HTR1E: variants seen among roughly 807,000 people sequenced by gnomAD.
HTR1E encodes the protein 5-HT-1E.
A neutral mutation model predicts 3.4 loss-of-function variants in HTR1E; 3 were observed. The ratio of observed to expected loss-of-function variants is 0.89; its 90% CI spans 0.41 to 2.31. The LOEUF (loss-of-function observed/expected upper bound fraction) is 2.31, where lower values mean the gene tolerates loss of function less well. Among genes scored for constraint, HTR1E ranks in the 30% most tolerant of loss-of-function variants. The pLI is 0.05. For missense variants in HTR1E, 392 were observed against 467.0 expected, an observed-to-expected ratio of 0.84 and a Z score of 1.48; for synonymous variants, 170 against 182.8, an observed-to-expected ratio of 0.93 and a Z score of 0.56.
chr6:86,984,377 C>T (rs1487355495), intron 1 of HTR1E, among the ~76,000 whole-genome samples: 12 of 152,070 alleles, frequency 7.9e-5, no homozygotes, highest in Admixed American at 7.9e-4. Flanking sequence ...TTCAATTGAC[C>T]TCTCTTAAAA....
At chr6:87,002,133 G>GTTC (rs1325384487) in intron 1 of HTR1E, among the ~76,000 whole-genome samples, 2 of 152,212 alleles carry the variant, frequency 1.3e-5, no homozygotes, top group African/African-American at 4.8e-5. Context: ...CTTCCGGTAG[G>GTTC]TTCTTGGTCT....
At chr6:86,943,491 A>G (rs1022618869) in intron 1 of HTR1E, among the ~76,000 whole-genome samples, 1 of 152,170 alleles carries the variant, frequency 6.6e-6, no homozygotes, top group Non-Finnish European at 1.5e-5. Flanking sequence ...TCATCGTTAC[A>G]ATGGGGACAA....
chr6:86,974,994 A>G (rs1339306332), intron 1 of HTR1E, among the ~76,000 whole-genome samples: 1 of 152,166 alleles, frequency 6.6e-6, no homozygotes, highest in African/African-American at 2.4e-5. Context: ...ATAGTTCTAC[A>G]AGGACTCCTG....
intron 1 of HTR1E, among the ~76,000 whole-genome samples, chr6:86,993,816 GAAA>G (rs1027967994): frequency 6.8e-6 from 1 of 147,118 alleles, no homozygotes; most frequent in Non-Finnish European, 1.5e-5. Context: ...ACTTAAATGA[GAAA>G]AAAAAAATCT....
chr6:86,991,467 A>G (rs1472295006), intron 1 of HTR1E, among the ~76,000 whole-genome samples: 1 of 152,202 alleles, frequency 6.6e-6, no homozygotes, highest in East Asian at 1.9e-4. Context: ...CTACCAAAAT[A>G]AAAAGTTTAT....
intron 1 of HTR1E, among the ~76,000 whole-genome samples, chr6:87,006,437 G>A (rs1026855702): frequency 9.2e-5 from 14 of 152,278 alleles, no homozygotes; most frequent in Middle Eastern, 3.4e-3. Flanking sequence ...AGATGCTGGC[G>A]AGGATGTGGA....
intron 1 of HTR1E, among the ~76,000 whole-genome samples, chr6:86,962,608 T>A (rs967493622): frequency 6.6e-6 from 1 of 152,128 alleles, no homozygotes; most frequent in African/African-American, 2.4e-5. Context: ...GAGGCTGAGG[T>A]GGGCAGATCA....
intron 1 of HTR1E, among the ~76,000 whole-genome samples, chr6:86,950,059 C>T (rs1299375308): frequency 2.0e-5 from 3 of 152,170 alleles, no homozygotes; most frequent in Non-Finnish European, 4.4e-5. Flanking sequence ...TGAAATTTTC[C>T]ATCACAAGTT....
intron 1 of HTR1E, among the ~76,000 whole-genome samples, chr6:86,995,378 T>G (rs1381064691): frequency 2.8e-5 from 4 of 145,166 alleles, no homozygotes; most frequent in East Asian, 2.0e-4. Context: ...TAAGAGAACA[T>G]GACCCGGCCA....
chr6:86,992,223 G>T (rs1366927154), intron 1 of HTR1E, among the ~76,000 whole-genome samples: 1 of 152,086 alleles, frequency 6.6e-6, no homozygotes, highest in African/African-American at 2.4e-5. Context: ...TGATTTAAAG[G>T]GTAAAGAGAA....
At chr6:86,966,046 T>C (rs1767467473) in intron 1 of HTR1E, among the ~76,000 whole-genome samples, 1 of 151,508 alleles carries the variant, frequency 6.6e-6, no homozygotes, top group African/African-American at 2.4e-5. Flanking sequence ...CAAAAAAAAA[T>C]AGATGGTCTT....
chr6:86,946,629 C>G (rs1206053620), intron 1 of HTR1E, among the ~76,000 whole-genome samples: 1 of 152,172 alleles, frequency 6.6e-6, no homozygotes, highest in Non-Finnish European at 1.5e-5. Context: ...GCTTCTACTC[C>G]ATGGTCCTTT....
intron 1 of HTR1E, among the ~76,000 whole-genome samples, chr6:87,006,036 C>G (rs914737112): frequency 6.6e-5 from 10 of 152,166 alleles, no homozygotes; most frequent in African/African-American, 1.9e-4. Context: ...GAGATATCAT[C>G]TTACCCAAGT....
intron 1 of HTR1E, among the ~76,000 whole-genome samples, chr6:86,987,301 T>C (rs1211564996): frequency 6.6e-6 from 1 of 152,122 alleles, no homozygotes; most frequent in Admixed American, 6.6e-5. Context: ...TACTATACTG[T>C]ATATAAAAAG....
chr6:86,947,495 T>C (rs984298176), intron 1 of HTR1E, among the ~76,000 whole-genome samples: 27 of 152,142 alleles, frequency 1.8e-4, no homozygotes, highest in African/African-American at 6.5e-4. Context: ...CACATGTTCA[T>C]TGTAGAAAAT....
At position 87,015,827 on chromosome 6, in the gene HTR1E, C is replaced by T. The variant is rs778362756; in HGVS notation, c.493C>T (p.Arg165Cys). Residue 165 changes from arginine (R) to cysteine (C), a missense_variant, in exon 2 of 2, where the codon CGC (arginine) becomes TGC (cysteine). Transcript: ENST00000305344. ...CCCTCTGTTCTGGAGAAGCCACCGC[C>T]GCCTAAGCCCTCCCCCTAGTCAGTG... ...MPPLFWRSHR[R>C]LSPPPSQCTI... 20 of 1,613,638 alleles carry T rather than the reference C, an allele frequency of 1.2e-5. No individual in the cohort carries two copies. Among genetic ancestry groups the T allele is most frequent in the Non-Finnish European group, 1.4e-5 (16 of 1,179,788 alleles).
intron 1 of HTR1E, among the ~76,000 whole-genome samples, chr6:86,976,724 G>A (rs1278457339): frequency 2.0e-5 from 3 of 152,220 alleles, no homozygotes; most frequent in Non-Finnish European, 4.4e-5. Context: ...CAATGTGTCT[G>A]ACTCAATCCC....
intron 1 of HTR1E, among the ~76,000 whole-genome samples, chr6:86,954,016 C>A (rs1266306950): frequency 2.0e-5 from 3 of 152,144 alleles, no homozygotes; most frequent in Non-Finnish European, 2.9e-5. Flanking sequence ...TCCAACAAAG[C>A]CCCTCCTCCA....
chr6:87,014,341 C>T (rs1194154225), intron 1 of HTR1E, among the ~76,000 whole-genome samples: 1 of 151,666 alleles, frequency 6.6e-6, no homozygotes, highest in Non-Finnish European at 1.5e-5. Context: ...AATAGGAATG[C>T]TTTTACACTG....
Sources: gnomAD v4.1 joint callset for allele counts (sites outside exome capture counted in the v4.1 genomes callset) on GRCh38, gnomAD v4.1.1 for gene constraint, MANE v1.5 for transcripts, NCBI Gene and HGNC (gene_info 2026-07-23, HGNC 2026-07-21) for gene names.